The following AHNAK2 variants were observed in gnomAD, a reference collection of about 807,000 sequenced individuals.
AHNAK2 encodes the protein AHNAK nucleoprotein 2.
Under a neutral mutation model 30.7 loss-of-function variants are expected in AHNAK2, and 18 were observed. That is an observed-to-expected ratio of 0.59 (90% CI 0.41 to 0.87). AHNAK2 has a LOEUF of 0.87. AHNAK2 is among the 40% of genes least tolerant of loss of function. The pLI is 0.00. For missense variants in AHNAK2, 8,604 were observed against 7,373.0 expected (o/e 1.17, Z -6.11); for synonymous variants, 3,590 against 3,073.8 (o/e 1.17, Z -5.56).
In AHNAK2 at chr14:104,956,660, A is replaced by G; in HGVS notation, c.243T>C (p.Ala81=). ...GCTTCCACCAGGATCTCCGTCTCCC[A>G]GCAGAACCTTGCCTGCCGGGGGCGT... The part of the protein sequence containing the change: ...QEDAPGRQGS[A]GRRRSWWKRD... Residue 81 remains alanine (A), a synonymous_variant, in exon 4 of 7, where the codon GCT becomes GCC. Coordinates refer to ENST00000333244, the MANE Select transcript of AHNAK2 (RefSeq NM_138420.4). 6.2e-7 allele frequency: 1 copy of G among 1,613,798 alleles called. No individual in the cohort carries two copies. Among genetic ancestry groups the G allele is most frequent in the South Asian group, 1.1e-5 (1 of 91,084 alleles).
At chr14:104,972,445 AG>A (rs1211845557) in intron 1 of AHNAK2, among the ~76,000 whole-genome samples, 1 of 152,190 alleles carries the variant, frequency 6.6e-6, no homozygotes, top group Non-Finnish European at 1.5e-5. Flanking sequence ...GGAGTGGGAC[AG>A]GAAGGAGACG....
chr14:104,951,848 G>T lies in AHNAK2; in HGVS notation c.3603C>A (p.Ser1201=), dbSNP rs2140859133. The change falls in exon 7 of 7, where the codon TCC becomes TCA. Residue 1201 remains serine, a synonymous_variant. Transcript: ENST00000333244. ...PKVEADVSLP[S]MQGDLKTTDL... ...CAGTGGTCTTGAGGTCCCCCTGCATGGAGGGGAGACTCACGTCGGCCTCCA... is the reference window on the plus strand; with the variant it reads ...CAGTGGTCTTGAGGTCCCCCTGCATTGAGGGGAGACTCACGTCGGCCTCCA... 6.2e-7 allele frequency: 1 copy of T among 1,603,288 alleles called. No individual in the cohort carries two copies. The highest frequency in any genetic ancestry group is 2.2e-5 in the East Asian group (1 of 44,718).
Position 104,947,682 on chromosome 14 carries a change from C to A in AHNAK2, c.7769G>T (p.Gly2590Val). 1 of 1,613,002 alleles carries A rather than the reference C, an allele frequency of 6.2e-7. No individual in the cohort carries two copies. Among genetic ancestry groups the A allele is most frequent in the East Asian group, 2.2e-5 (1 of 44,766 alleles). ...DLKGPQLDVKGPKLDLKGPKA... is the reference protein window; with the variant it reads ...DLKGPQLDVKVPKLDLKGPKA... ...GGGGCCTTTCAGGTCCAGCTTGGGG[C>A]CCTTGACATCTAGCTGGGGGCCCTT... Residue 2590 changes from glycine (G) to valine (V), a missense_variant, in exon 7 of 7, where the codon GGC becomes GTC. Physicochemically the swap from Gly to Val is moderately radical, Grantham distance 109 (BLOSUM62 -3). Coordinates refer to ENST00000333244, the MANE Select transcript of AHNAK2 (RefSeq NM_138420.4).
intron 1 of AHNAK2, among the ~76,000 whole-genome samples, chr14:104,961,181 AG>A (rs1899125314): frequency 6.6e-6 from 1 of 151,838 alleles, no homozygotes; most frequent in Admixed American, 6.6e-5. Context: ...TTACAAATAT[AG>A]AAGTAAAGCA....
At position 104,953,070 on chromosome 14, in the gene AHNAK2, A is replaced by G. The variant is rs1898837752; in HGVS notation, c.2381T>C (p.Met794Thr). Residue 794 changes from methionine to threonine, a missense_variant, in exon 7 of 7, where the codon ATG (methionine) becomes ACG (threonine). Coordinates refer to ENST00000333244, the MANE Select transcript of AHNAK2 (RefSeq NM_138420.4). The part of the protein sequence containing the change: ...KAEVTAPDVK[M>T]SLSSMEVDVQ... ...GTCCACCTCCATGCTGGACAGAGACATCTTCACATCGGGGGCTGTCACTTC... is the reference window on the plus strand; with the variant it reads ...GTCCACCTCCATGCTGGACAGAGACGTCTTCACATCGGGGGCTGTCACTTC... 1 of 1,613,056 alleles carries G rather than the reference A, an allele frequency of 6.2e-7. No homozygotes were observed. Among genetic ancestry groups the G allele is most frequent in the Non-Finnish European group, 8.5e-7 (1 of 1,179,724 alleles).
chr14:104,958,176 C>T (rs1207789783), intron 1 of AHNAK2, among the ~76,000 whole-genome samples: 3 of 152,190 alleles, frequency 2.0e-5, no homozygotes, highest in African/African-American at 7.2e-5. Context: ...AGGCCGGGCA[C>T]GGTGGCTCAT....
chr14:104,945,338 C>T lies in AHNAK2; in HGVS notation c.10113G>A (p.Gln3371=), dbSNP rs367633102. The T allele has an allele frequency of 3.7e-6, 6 of 1,612,290 alleles. No individual in the cohort carries two copies. The African/African-American group carries it at 5.4e-5, about 14-fold the overall frequency. Residue 3371 remains glutamine, a synonymous_variant, in exon 7 of 7, where the codon CAG becomes CAA. Coordinates refer to ENST00000333244, the MANE Select transcript of AHNAK2 (RefSeq NM_138420.4). Reference sequence around the variant, plus strand: ...GGCCCTCCGGGAGCTTCACGTCCACCTGGCCAGCCTGGACCTCCAGGTCCA... The same window carrying T: ...GGCCCTCCGGGAGCTTCACGTCCACTTGGCCAGCCTGGACCTCCAGGTCCA... ...PSVDLEVQAG[Q]VDVKLPEGHV...
At position 104,949,755 on chromosome 14, in the gene AHNAK2, C is replaced by G. The variant is rs753681599; in HGVS notation, c.5696G>C (p.Gly1899Ala). The part of the protein sequence containing the change: ...MKLPEGQVPE[G>A]AGLKGHLPKV... Reference sequence around the variant, plus strand: ...GGGCAAGTGCCCTTTGAGGCCGGCTCCCTCGGGCACCTGGCCCTCCGGGAG... The same window carrying G: ...GGGCAAGTGCCCTTTGAGGCCGGCTGCCTCGGGCACCTGGCCCTCCGGGAG... The change falls in exon 7 of 7, where the codon GGA (glycine) becomes GCA (alanine). Residue 1899 changes from glycine (G) to alanine (A), a missense_variant. Coordinates refer to ENST00000333244, the MANE Select transcript of AHNAK2 (RefSeq NM_138420.4). The G allele has an allele frequency of 3.2e-6, 5 of 1,587,216 alleles. 1 individual carries two copies. The Admixed American group carries it at 8.7e-5, about 28-fold the overall frequency.
chr14:104,968,123 C>A (rs1413249435), intron 1 of AHNAK2, among the ~76,000 whole-genome samples: 1 of 152,222 alleles, frequency 6.6e-6, no homozygotes, highest in Non-Finnish European at 1.5e-5. Context: ...TTCCCCAATG[C>A]CCTTCCCCCA....
Position 104,944,682 on chromosome 14 carries a change from G to C in AHNAK2, c.10769C>G (p.Ala3590Gly). The C allele has an allele frequency of 6.2e-7, 1 of 1,612,840 alleles. No homozygotes were observed. Among genetic ancestry groups the C allele is most frequent in the Non-Finnish European group, 8.5e-7 (1 of 1,179,608 alleles). ...GPKLDLKGPK[A>G]EVRVPDVEVS... ...CTCGACATCGGGGACTCTCACTTCT[G>C]CCTTGGGGCCTTTCAGGTCCAGCTT... The change falls in exon 7 of 7, where the codon GCA (alanine) becomes GGA (glycine). Residue 3590 changes from alanine (A) to glycine (G), a missense_variant. Coordinates refer to ENST00000333244, the MANE Select transcript of AHNAK2 (RefSeq NM_138420.4).
intron 1 of AHNAK2, among the ~76,000 whole-genome samples, chr14:104,972,438 G>A (rs1416923228): frequency 2.0e-5 from 3 of 152,190 alleles, no homozygotes; most frequent in African/African-American, 7.2e-5. Context: ...GCCTGCTGGA[G>A]TGGGACAGGA....
In AHNAK2 at chr14:104,955,563, G is replaced by A; in HGVS notation, c.386C>T (p.Thr129Ile). Residue 129 changes from threonine to isoleucine, a missense_variant, in exon 5 of 7, where the codon ACA (threonine) becomes ATA (isoleucine). Coordinates refer to ENST00000333244, the MANE Select transcript of AHNAK2 (RefSeq NM_138420.4). ...GAAGATCCCCTGGTCCCCACCACCT[G>A]TGACACTGTAGCCACTGGCTCCTGC... ...VEAGASGYSVTGGGDQGIFVK... is the reference protein window; with the variant it reads ...VEAGASGYSVIGGGDQGIFVK... The A allele has an allele frequency of 1.9e-6, 3 of 1,613,708 alleles. No individual in the cohort carries two copies. Among genetic ancestry groups the A allele is most frequent in the Non-Finnish European group, 2.5e-6 (3 of 1,179,838 alleles).
At position 104,948,338 on chromosome 14, in the gene AHNAK2, A is replaced by G; in HGVS notation, c.7113T>C (p.Pro2371=). ...CAGCCTGGACCTCCAGGTCAGCGGAAGGGGGCTGAACGCTGAGGTCAGTGG... is the reference window on the plus strand; with the variant it reads ...CAGCCTGGACCTCCAGGTCAGCGGAGGGGGGCTGAACGCTGAGGTCAGTGG... ...LKTTDLSVQP[P]SADLEVQAGQ... Residue 2371 remains proline, a synonymous_variant, in exon 7 of 7, where the codon CCT becomes CCC. Coordinates refer to ENST00000333244, the MANE Select transcript of AHNAK2 (RefSeq NM_138420.4). 3 of 1,612,556 alleles carry G rather than the reference A, an allele frequency of 1.9e-6. No individual in the cohort carries two copies. Among genetic ancestry groups the G allele is most frequent in the East Asian group, 4.5e-5 (2 of 44,690 alleles).
At chr14:104,972,747 A>T (rs1899500919) in intron 1 of AHNAK2, among the ~76,000 whole-genome samples, 1 of 152,178 alleles carries the variant, frequency 6.6e-6, no homozygotes, top group African/African-American at 2.4e-5. Context: ...TCCAGACTCT[A>T]AGCACGTGCC....
At chr14:104,957,911 T>C (rs771331233) in intron 1 of AHNAK2, among the ~76,000 whole-genome samples, 1 of 152,170 alleles carries the variant, frequency 6.6e-6, no homozygotes, top group South Asian at 2.1e-4. Flanking sequence ...TGGAACAGAT[T>C]TAGTCCAAGA....
At chr14:104,965,833 G>A (rs1899287876) in intron 1 of AHNAK2, among the ~76,000 whole-genome samples, 1 of 152,220 alleles carries the variant, frequency 6.6e-6, no homozygotes, top group African/African-American at 2.4e-5. Flanking sequence ...CCAGTGTGCT[G>A]TGTGGCCCTG....
In AHNAK2 at chr14:104,941,243, TA is replaced by T; in HGVS notation, c.14207del (p.Leu4736TyrfsTer62). ...CAAAACTTGAGCATTCTGAAGATGA[TA>T]AAGGAATCGTGGAAAGACCTATGCT... ...KSSIGLSTIP[L>X]SSSECSSFEL... On this transcript the variant is annotated frameshift_variant, in exon 7 of 7. Coordinates refer to ENST00000333244, the MANE Select transcript of AHNAK2 (RefSeq NM_138420.4). LOFTEE classifies it low-confidence loss of function (END_TRUNC). 6.2e-7 allele frequency: 1 copy of T among 1,613,608 alleles called. No homozygotes were observed. Among genetic ancestry groups the T allele is most frequent in the South Asian group, 1.1e-5 (1 of 91,084 alleles).
chr14:104,973,897 G>A (rs1375599495), intron 1 of AHNAK2, among the ~76,000 whole-genome samples: 1 of 152,200 alleles, frequency 6.6e-6, no homozygotes, highest in African/African-American at 2.4e-5. Context: ...CGGAGGGGAG[G>A]GGAGGGCGGT....
chr14:104,950,397 T>G lies in AHNAK2; in HGVS notation c.5054A>C (p.Glu1685Ala), dbSNP rs34752012. 27,576 of 1,574,488 alleles carry G rather than the reference T, an allele frequency of 0.018. 3,072 individuals are homozygous for G. Among genetic ancestry groups the G allele is most frequent in the Middle Eastern group, 0.044 (266 of 5,984 alleles). Reference protein sequence around the residue: ...KSIEASVDVSEPKVEADVSLP... With the variant: ...KSIEASVDVSAPKVEADVSLP... ...GCTCACATCAGCTTCCACCTTCGGC[T>G]CAGACACATCCACCGAGGCCTCGAT... The change falls in exon 7 of 7, where the codon GAG becomes GCG. Residue 1685 changes from glutamate (E) to alanine (A), a missense_variant. By Grantham distance (107) the Glu-to-Ala change is moderately radical (BLOSUM62 -1). Transcript: ENST00000333244.
Sources: allele counts gnomAD v4.1 joint callset (sites outside exome capture counted in the v4.1 genomes callset), GRCh38; gene constraint gnomAD v4.1.1; transcripts MANE v1.5; gene names NCBI Gene and HGNC (gene_info 2026-07-23, HGNC 2026-07-21).